The following CLCN5 variants were observed in gnomAD, a reference collection of about 807,000 sequenced individuals.
The protein encoded by CLCN5 is H(+)/Cl(-) exchange transporter 5.
CLCN5 carries 17 observed loss-of-function variants against 54.0 expected under a neutral mutation model. That is an observed-to-expected ratio of 0.31 (90% CI 0.22 to 0.47). The LOEUF (loss-of-function observed/expected upper bound fraction) is 0.47. Ranked by LOEUF, CLCN5 falls within the 20% of genes least tolerant of loss-of-function variation. The probability of loss-of-function intolerance (pLI) is 1.00; values close to 1 mark genes in which losing one functional copy is unlikely to be tolerated. For missense variants in CLCN5, 448 were observed against 646.7 expected, an observed-to-expected ratio of 0.69 and a Z score of 3.33; for synonymous variants, 222 against 233.0, an observed-to-expected ratio of 0.95 and a Z score of 0.43.
chrX:50,056,103 C>G (rs1314498215), intron 4 of CLCN5, among the ~76,000 whole-genome samples: 1 of 109,520 alleles, frequency 9.1e-6, no homozygotes, highest in African/African-American at 3.3e-5. Context: ...CATGACATCA[C>G]ACAATTCCTA....
intron 3 of CLCN5, among the ~76,000 whole-genome samples, chrX:49,990,072 T>C (rs1929180342): frequency 8.9e-6 from 1 of 112,216 alleles, no homozygotes; most frequent in African/African-American, 3.2e-5. Context: ...AATAAGCATT[T>C]GTATGGCAAG....
chrX:49,931,912 C>CAA (rs199618675), intron 3 of CLCN5, among the ~76,000 whole-genome samples: 3 of 84,214 alleles, frequency 3.6e-5, no homozygotes, highest in Admixed American at 1.3e-4. Flanking sequence ...GACCCTGTCT[C>CAA]AAAAAAAAAA....
chrX:50,032,784 A>C (rs1454043689), intron 3 of CLCN5, among the ~76,000 whole-genome samples: 3 of 109,278 alleles, frequency 2.7e-5, no homozygotes, highest in African/African-American at 1.0e-4. Context: ...TTTGGACATG[A>C]AGTCCTTGCC....
At chrX:50,058,964 G>GT (rs782464109) in intron 4 of CLCN5, among the ~76,000 whole-genome samples, 5 of 111,315 alleles carry the variant, frequency 4.5e-5, no homozygotes, top group African/African-American at 1.6e-4. Context: ...TTAATGCATT[G>GT]TTTTTTTGAA....
intron 3 of CLCN5, among the ~76,000 whole-genome samples, chrX:50,000,787 C>T (rs192924828): frequency 1.4e-4 from 16 of 111,951 alleles, no homozygotes; most frequent in African/African-American, 4.9e-4. Context: ...AAGGAGGCGA[C>T]GCATGTATTG....
chrX:50,085,172 A>C lies in CLCN5; in HGVS notation c.934-808A>C, dbSNP rs1275314742. The stretch of plus-strand genomic sequence containing the variant: ...CTCTAAAATATTTCTTTACTTCTTC[A>C]AATCATCTCTCTCCATAGCAACCAG... On this transcript the variant is annotated intron_variant, in intron 9 of 14. Coordinates refer to ENST00000376091, the MANE Select transcript of CLCN5 (RefSeq NM_001127898.4). 4.5e-5 allele frequency among the ~76,000 whole-genome samples: 5 copies of C among 111,910 alleles called. No homozygotes were observed. In the East Asian group the frequency reaches 1.1e-3, roughly 25 times the overall value.
intron 3 of CLCN5, chrX:50,014,574 G>A (rs782090572): frequency 2.1e-5 from 7 of 339,080 alleles, no homozygotes; most frequent in South Asian, 1.6e-4. Flanking sequence ...CTTCGAGCAC[G>A]GCAGGTGCCC....
chrX:49,969,506 A>G (rs920818388), intron 3 of CLCN5, among the ~76,000 whole-genome samples: 1 of 112,189 alleles, frequency 8.9e-6, no homozygotes, highest in African/African-American at 3.2e-5. Flanking sequence ...TTTCCTTTTG[A>G]TTACTTCTTT....
At chrX:49,926,275 T>G (rs1335175867) in intron 3 of CLCN5, among the ~76,000 whole-genome samples, 1 of 112,507 alleles carries the variant, frequency 8.9e-6, no homozygotes, top group Non-Finnish European at 1.9e-5. Context: ...GGATTTGGCC[T>G]GTATGCTTCC....
At chrX:49,997,169 T>C (rs113074833) in intron 3 of CLCN5, among the ~76,000 whole-genome samples, 70 of 112,140 alleles carry the variant, frequency 6.2e-4, no homozygotes, top group African/African-American at 2.1e-3. Flanking sequence ...GAACTTTTCA[T>C]AGGACTCTTA....
At chrX:50,060,972 A>G (rs1478645467) in intron 4 of CLCN5, among the ~76,000 whole-genome samples, 3 of 87,643 alleles carry the variant, frequency 3.4e-5, no homozygotes, top group Non-Finnish European at 6.5e-5. Flanking sequence ...AAAACTAACA[A>G]ACAGAAAGGA....
In CLCN5 at chrX:50,098,738, C is replaced by G. The variant is rs1380337823; in HGVS notation, c.*6519C>G. 8.8e-6 allele frequency: 1 copy of G among 113,052 alleles called. No individual in the cohort carries two copies. Among genetic ancestry groups the G allele is most frequent in the Non-Finnish European group, 1.9e-5 (1 of 53,394 alleles). The allele number at this position is 113,052 out of a possible 1,213,427, so 9.3% of individuals were successfully genotyped here. On this transcript the variant is annotated 3_prime_UTR_variant, in exon 15 of 15. Transcript: ENST00000376091. ...TGAGTGTTGCTAGCCCTTAGCCATG[C>G]TTTCTTAGCTTTATTCTCGCCTGTT...
chrX:50,062,090 G>C (rs1397388562), intron 4 of CLCN5, among the ~76,000 whole-genome samples: 75 of 107,624 alleles, frequency 7.0e-4, no homozygotes, highest in Admixed American at 1.5e-3. Flanking sequence ...TAGGAAGAAA[G>C]TGCATCAACT....
At chrX:49,924,081 T>TACTC (rs1195187669) in intron 2 of CLCN5, among the ~76,000 whole-genome samples, 1 of 111,125 alleles carries the variant, frequency 9.0e-6, no homozygotes, top group Non-Finnish European at 1.9e-5. Context: ...GCAAGCAGAG[T>TACTC]GTTAAGCCTC....
chrX:49,971,696 A>G (rs781904532), intron 3 of CLCN5, among the ~76,000 whole-genome samples: 1 of 111,663 alleles, frequency 9.0e-6, no homozygotes, highest in Non-Finnish European at 1.9e-5. Context: ...TTGGCTACCC[A>G]TGGAGGAGCC....
At chrX:49,971,229 AAT>A (rs1358218415) in intron 3 of CLCN5, among the ~76,000 whole-genome samples, 1 of 102,220 alleles carries the variant, frequency 9.8e-6, no homozygotes, top group African/African-American at 3.5e-5. Context: ...TATATATATA[AAT>A]ATATATTTAT....
chrX:49,923,044 C>A (rs782211755), intron 1 of CLCN5, among the ~76,000 whole-genome samples: 1 of 113,024 alleles, frequency 8.8e-6, no homozygotes, highest in Non-Finnish European at 1.9e-5. Flanking sequence ...GAGTTATGGT[C>A]CCTGGGTTGC....
At chrX:49,980,487 G>C (rs782458023) in intron 3 of CLCN5, among the ~76,000 whole-genome samples, 1 of 111,215 alleles carries the variant, frequency 9.0e-6, no homozygotes, top group African/African-American at 3.3e-5. Flanking sequence ...AAATAGATTA[G>C]GCATAAATGA....
intron 4 of CLCN5, among the ~76,000 whole-genome samples, chrX:50,069,034 C>A: frequency 8.9e-6 from 1 of 111,883 alleles, no homozygotes; most frequent in Non-Finnish European, 1.9e-5. Context: ...AATTTTGGTT[C>A]AGCTGATATA....
Sources: gnomAD v4.1 joint callset for allele counts (sites outside exome capture counted in the v4.1 genomes callset) on GRCh38, gnomAD v4.1.1 for gene constraint, MANE v1.5 for transcripts, NCBI Gene and HGNC (gene_info 2026-07-23, HGNC 2026-07-21) for gene names.